Variants in TMTC2 observed in about 807,000 individuals in gnomAD.
The protein encoded by TMTC2 is transmembrane O-mannosyltransferase targeting cadherins 2, also known as protein O-mannosyl-transferase TMTC2.
In TMTC2, 43 loss-of-function variants were observed where a neutral mutation model predicts 82.4. The ratio of observed to expected loss-of-function variants is 0.52; its 90% CI spans 0.41 to 0.67. The LOEUF is 0.67. Ranked by LOEUF, TMTC2 falls within the 30% of genes least tolerant of loss-of-function variation. The pLI is 0.00. For synonymous variants in TMTC2, 408 were observed against 381.9 expected (o/e 1.07, Z -0.80); for missense variants, 919 against 1,012.4 (o/e 0.91, Z 1.25).
chr12:82,805,696 G>A (rs567332168), intron 1 of TMTC2, among the ~76,000 whole-genome samples: 5 of 151,510 alleles, frequency 3.3e-5, no homozygotes, highest in African/African-American at 9.7e-5. Flanking sequence ...TAGTAGAGAC[G>A]GGGTTTCACC....
At chr12:82,876,705 AG>A (rs760416213) in intron 2 of TMTC2, among the ~76,000 whole-genome samples, 1 of 151,996 alleles carries the variant, frequency 6.6e-6, no homozygotes, top group Non-Finnish European at 1.5e-5. Flanking sequence ...AGGTTATTTC[AG>A]GTTTTTTTCA....
At chr12:82,861,575 A>G (rs571463289) in intron 2 of TMTC2, among the ~76,000 whole-genome samples, 2 of 152,346 alleles carry the variant, frequency 1.3e-5, no homozygotes, top group East Asian at 1.9e-4. Context: ...CTTGGCATGT[A>G]GTAGATATTT....
intron 11 of TMTC2, among the ~76,000 whole-genome samples, chr12:83,106,638 A>T (rs1884410858): frequency 6.6e-6 from 1 of 152,116 alleles, no homozygotes; most frequent in African/African-American, 2.4e-5. Context: ...ATGATAACCT[A>T]AAACCAGCCA....
chr12:83,098,938 G>A (rs1006601146), intron 11 of TMTC2, among the ~76,000 whole-genome samples: 1 of 152,016 alleles, frequency 6.6e-6, no homozygotes, highest in African/African-American at 2.4e-5. Flanking sequence ...TTTTTCTAAT[G>A]GCAAAGAAAA....
Position 82,949,256 on chromosome 12 carries a change from G to C in TMTC2, c.1599-15768G>C, listed in dbSNP as rs80176348. 9.3e-3 allele frequency among the ~76,000 whole-genome samples: 1,411 copies of C among 152,322 alleles called. 23 individuals are homozygous for C. Among genetic ancestry groups the C allele is most frequent in the African/African-American group, 0.032 (1,337 of 41,576 alleles). ...ATAGCAAAGAATAGATAGTAAATCA[G>C]TATATAGGTTTAAAGTTAAATCATT... On this transcript the variant is annotated intron_variant, in intron 4 of 11. Transcript: ENST00000321196.
In TMTC2 at chr12:82,908,548, T is replaced by A. The variant is rs139319756; in HGVS notation, c.1483+11902T>A. 1.2e-3 allele frequency among the ~76,000 whole-genome samples: 186 copies of A among 152,280 alleles called. 1 individual carries two copies. Among genetic ancestry groups the A allele is most frequent in the African/African-American group, 4.2e-3 (174 of 41,582 alleles). On this transcript the variant is annotated intron_variant, in intron 3 of 11. Transcript: ENST00000321196. ...GATTAAGCCCAGGAATTGATTATAA[T>A]GTATTATCATTCCCATTTTCTTCTA...
chr12:82,835,968 T>C (rs191935802), intron 1 of TMTC2, among the ~76,000 whole-genome samples: 2 of 152,332 alleles, frequency 1.3e-5, no homozygotes, highest in East Asian at 3.9e-4. Flanking sequence ...ATATTTTGAA[T>C]ATCACCCCTG....
chr12:82,730,034 T>C (rs7303469), intron 1 of TMTC2, among the ~76,000 whole-genome samples: 20,351 of 152,016 alleles, frequency 0.13, 1,658 homozygotes, highest in East Asian at 0.36. Context: ...GCTCCGAACA[T>C]ATCTGAACAT....
intron 1 of TMTC2, among the ~76,000 whole-genome samples, chr12:82,811,061 C>A (rs1268662154): frequency 2.0e-5 from 3 of 152,002 alleles, no homozygotes; most frequent in Non-Finnish European, 4.4e-5. Flanking sequence ...GAAATCCCAT[C>A]TCTACTAAAA....
intron 8 of TMTC2, among the ~76,000 whole-genome samples, chr12:83,026,572 G>A (rs754508448): frequency 7.9e-5 from 12 of 151,926 alleles, no homozygotes; most frequent in Non-Finnish European, 1.5e-4. Context: ...TGTCACTAAA[G>A]ATAAGGGACA....
intron 1 of TMTC2, among the ~76,000 whole-genome samples, chr12:82,834,921 A>G (rs1420841341): frequency 6.6e-6 from 1 of 151,434 alleles, no homozygotes; most frequent in Non-Finnish European, 1.5e-5. Flanking sequence ...CCTGTCGCCC[A>G]GGCTGGAGTG....
intron 2 of TMTC2, among the ~76,000 whole-genome samples, chr12:82,875,448 C>T (rs917945559): frequency 9.9e-5 from 15 of 152,030 alleles, no homozygotes; most frequent in African/African-American, 2.7e-4. Context: ...TGAGCCTGAG[C>T]GTGCAAGACC....
chr12:83,005,267 T>C (rs1592688024), intron 8 of TMTC2, among the ~76,000 whole-genome samples: 1 of 131,720 alleles, frequency 7.6e-6, no homozygotes, highest in Non-Finnish European at 1.6e-5. Flanking sequence ...AGGCAGAGAA[T>C]GCAATGAGCC....
At chr12:82,803,633 A>G (rs971030297) in intron 1 of TMTC2, among the ~76,000 whole-genome samples, 2 of 152,238 alleles carry the variant, frequency 1.3e-5, no homozygotes, top group Admixed American at 6.5e-5. Context: ...TGGAAAAGGG[A>G]AAAATGCTTC....
chr12:82,969,095 C>G (rs556257797), intron 7 of TMTC2, among the ~76,000 whole-genome samples: 5 of 152,184 alleles, frequency 3.3e-5, no homozygotes, highest in Admixed American at 3.3e-4. Flanking sequence ...GCTCTAGCTC[C>G]TAATACATTT....
intron 8 of TMTC2, among the ~76,000 whole-genome samples, chr12:83,030,534 G>A (rs576062990): frequency 3.3e-5 from 5 of 152,148 alleles, no homozygotes; most frequent in Admixed American, 2.0e-4. Context: ...TTTCAACCTT[G>A]TCTCTTGCTT....
At chr12:82,948,731 G>A (rs1388510384) in intron 4 of TMTC2, among the ~76,000 whole-genome samples, 1 of 152,164 alleles carries the variant, frequency 6.6e-6, no homozygotes, top group African/African-American at 2.4e-5. Context: ...ATCTCTGTGT[G>A]CCCATGGGGT....
At chr12:82,789,156 T>A (rs2137019900) in intron 1 of TMTC2, among the ~76,000 whole-genome samples, 1 of 152,104 alleles carries the variant, frequency 6.6e-6, no homozygotes, top group African/African-American at 2.4e-5. Context: ...TTCACGCTTT[T>A]GTCGTTTTGA....
At chr12:83,118,245 T>C (rs1415734864) in intron 11 of TMTC2, among the ~76,000 whole-genome samples, 1 of 152,170 alleles carries the variant, frequency 6.6e-6, no homozygotes, top group Non-Finnish European at 1.5e-5. Flanking sequence ...CTTGTCTTGT[T>C]CCAGTTCTCT....
Sources: allele counts gnomAD v4.1 joint callset (sites outside exome capture counted in the v4.1 genomes callset), GRCh38; gene constraint gnomAD v4.1.1; transcripts MANE v1.5; gene names NCBI Gene and HGNC (gene_info 2026-07-23, HGNC 2026-07-21).